The following AP2A2 variants were observed in gnomAD, a reference collection of about 807,000 sequenced individuals.
AP2A2 encodes the protein adaptor related protein complex 2 subunit alpha 2, also known as AP-2 complex subunit alpha-2.
Under a neutral mutation model 104.2 loss-of-function variants are expected in AP2A2, and 32 were observed. That is an observed-to-expected ratio of 0.31 (90% CI 0.23 to 0.41). The LOEUF (loss-of-function observed/expected upper bound fraction) is 0.41, where lower values mean the gene tolerates loss of function less well. Ranked by LOEUF, AP2A2 falls within the 10% of genes least tolerant of loss-of-function variation. The pLI is 1.00. For synonymous variants in AP2A2, 539 were observed against 533.3 expected, an observed-to-expected ratio of 1.01 and a Z score of -0.15; for missense variants, 912 against 1,261.0, an observed-to-expected ratio of 0.72 and a Z score of 4.19.
chr11:954,899 T>C (rs566744980), intron 1 of AP2A2, among the ~76,000 whole-genome samples: 2 of 152,332 alleles, frequency 1.3e-5, no homozygotes, highest in East Asian at 3.9e-4. Context: ...TTTGTTTTAG[T>C]TTGTGGTTTC....
intron 14 of AP2A2, 130 bp downstream of exon 14, chr11:994,375 AC>A (rs1855770073): frequency 2.5e-6 from 3 of 1,201,440 alleles, no homozygotes; most frequent in Non-Finnish European, 2.3e-6. Context: ...GGCTCTGGAC[AC>A]CCCGCTGTCC....
chr11:927,952 T>C (rs776966526), intron 1 of AP2A2, among the ~76,000 whole-genome samples: 1 of 152,214 alleles, frequency 6.6e-6, no homozygotes, highest in Non-Finnish European at 1.5e-5. Context: ...GTATTATTTC[T>C]TAAGGGGACC....
intron 1 of AP2A2, among the ~76,000 whole-genome samples, chr11:942,705 GGTAAATGTGCAGGTTT>G (rs753558243): frequency 6.6e-5 from 10 of 152,082 alleles, no homozygotes; most frequent in Non-Finnish European, 8.8e-5. Context: ...AGATTCTGGG[GGTAAATGTGCAGGTTT>G]GTTATGTGGG....
rs745707431 is a variant in AP2A2 at position 994,155 on chromosome 11, C to T, written c.1866C>T (p.Ser622=). 1.2e-5 allele frequency: 19 copies of T among 1,613,006 alleles called. No homozygotes were observed. In the South Asian group the frequency reaches 1.9e-4, roughly 16 times the overall value. Residue 622 remains serine (S), a synonymous_variant, in exon 14 of 22, where the codon AGC becomes AGT. Transcript: ENST00000448903. ...AGCTCAAGAAGAAGAAGGGCCCCAG[C>T]ACGGTGACAGACCTGGAGGACACCA... is the stretch of plus-strand genomic sequence containing the variant. ...LAKLKKKKGP[S]TVTDLEDTKR...
chr11:927,250 T>TG (rs34339546), intron 1 of AP2A2, among the ~76,000 whole-genome samples: 7 of 151,508 alleles, frequency 4.6e-5, no homozygotes, highest in South Asian at 2.1e-4. Context: ...TTTGTAGAGA[T>TG]GGGGGGGTCT....
At chr11:959,597 C>T in intron 2 of AP2A2, 92 bp downstream of exon 2, 4 of 835,180 alleles carry the variant, frequency 4.8e-6, no homozygotes, top group South Asian at 1.6e-5. Context: ...TTTTCTCCCA[C>T]ACTAAAGTGA....
chr11:979,451 G>A (rs1048462136), intron 5 of AP2A2, among the ~76,000 whole-genome samples: 25 of 152,154 alleles, frequency 1.6e-4, no homozygotes, highest in Middle Eastern at 6.8e-3. Flanking sequence ...AAAGCTGAGG[G>A]CACAGGCACA....
intron 1 of AP2A2, among the ~76,000 whole-genome samples, chr11:958,071 G>C (rs1286894735): frequency 6.6e-6 from 1 of 152,238 alleles, no homozygotes; most frequent in Non-Finnish European, 1.5e-5. Flanking sequence ...AGTGTGACTG[G>C]ATTTGGAGAC....
Position 986,880 on chromosome 11 carries a change from G to A in AP2A2, c.1058G>A (p.Cys353Tyr), listed in dbSNP as rs1175485974. 1 of 1,609,242 alleles carries A rather than the reference G, an allele frequency of 6.2e-7. No homozygotes were observed. Among genetic ancestry groups the A allele is most frequent in the East Asian group, 2.2e-5 (1 of 44,730 alleles). ...NLRYLALESM[C>Y]TLASSEFSHE... The stretch of plus-strand genomic sequence containing the variant: ...CGCTACCTGGCCCTGGAGAGCATGT[G>A]CACGCTGGCCAGCTCTGAGTTCTCC... Residue 353 changes from cysteine (C) to tyrosine (Y), a missense_variant, in exon 9 of 22, where the codon TGC becomes TAC. By Grantham distance (194) the Cys-to-Tyr change is radical (BLOSUM62 -2). Coordinates refer to ENST00000448903, the MANE Select transcript of AP2A2 (RefSeq NM_012305.4).
At chr11:1,010,388 TG>T in intron 21 of AP2A2, 159 bp from the exon 22 acceptor site, 2 of 618,826 alleles carry the variant, frequency 3.2e-6, no homozygotes, top group Non-Finnish European at 5.7e-6. Context: ...TCAGTTTTCA[TG>T]CTGACAGTGT....
At chr11:933,739 G>C (rs1341690497) in intron 1 of AP2A2, 1 of 439,360 alleles carries the variant, frequency 2.3e-6, no homozygotes, top group African/African-American at 2.0e-5. Flanking sequence ...CTCAGGAGCG[G>C]GGATGACCCC....
intron 1 of AP2A2, among the ~76,000 whole-genome samples, chr11:954,436 GTGTA>G (rs1209417483): frequency 3.3e-5 from 5 of 151,812 alleles, no homozygotes; most frequent in African/African-American, 7.3e-5. Flanking sequence ...TTGTGTTTAT[GTGTA>G]TGTATGTATA....
intron 4 of AP2A2, among the ~76,000 whole-genome samples, chr11:974,698 A>G (rs113516758): frequency 3.3e-4 from 45 of 137,116 alleles, no homozygotes; most frequent in African/African-American, 4.0e-4. Context: ...AAAAAAAAAA[A>G]AAAGAAAGCT....
At chr11:928,279 A>T (rs989051590) in intron 1 of AP2A2, among the ~76,000 whole-genome samples, 1 of 152,228 alleles carries the variant, frequency 6.6e-6, no homozygotes, top group Non-Finnish European at 1.5e-5. Flanking sequence ...CTTTTATTAC[A>T]GTATATCATT....
intron 15 of AP2A2, 42 bp from the exon 16 acceptor site, chr11:1,003,680 A>T (rs1269459571): frequency 7.5e-7 from 1 of 1,333,412 alleles, no homozygotes; most frequent in Non-Finnish European, 1.0e-6. Context: ...TGTTTTCTGC[A>T]GGTGGCTTTG....
intron 1 of AP2A2, among the ~76,000 whole-genome samples, chr11:939,612 T>G (rs374044145): frequency 4.1e-4 from 62 of 151,892 alleles, no homozygotes; most frequent in African/African-American, 1.4e-3. Context: ...CCCGGCTAAT[T>G]TTTTGTATTT....
intron 15 of AP2A2, among the ~76,000 whole-genome samples, chr11:1,002,497 G>C (rs1856061707): frequency 6.6e-6 from 1 of 152,280 alleles, no homozygotes; most frequent in Non-Finnish European, 1.5e-5. Flanking sequence ...AGCCTGCCGG[G>C]CTGTGCAGGG....
In AP2A2 at chr11:961,771, G is replaced by A. The variant is rs112907856; in HGVS notation, c.136+2266G>A. Among the ~76,000 whole-genome samples the A allele has an allele frequency of 2.1e-4, 27 of 127,516 alleles. 1 individual carries two copies. Among genetic ancestry groups the A allele is most frequent in the Non-Finnish European group, 2.7e-4 (16 of 58,934 alleles). 83.7% of individuals were successfully genotyped at this position (127,516 alleles called of 152,430 possible). On this transcript the variant is annotated intron_variant, in intron 2 of 21. Coordinates refer to ENST00000448903, the MANE Select transcript of AP2A2 (RefSeq NM_012305.4). ...CCGCCACCAGTGAAAAGTAAAGGGC[G>A]GAAGCAGATGGAGATGTGGGTCTGA...
intron 10 of AP2A2, among the ~76,000 whole-genome samples, chr11:990,737 TC>T (rs1488575167): frequency 8.5e-6 from 1 of 116,994 alleles, no homozygotes; most frequent in Non-Finnish European, 1.7e-5. Context: ...GGCATGGTGC[TC>T]CCCCCACCCC....
Sources: gnomAD v4.1 joint callset for allele counts (sites outside exome capture counted in the v4.1 genomes callset) on GRCh38, gnomAD v4.1.1 for gene constraint, MANE v1.5 for transcripts, NCBI Gene and HGNC (gene_info 2026-07-23, HGNC 2026-07-21) for gene names.